LINGO2: variants seen among roughly 807,000 people sequenced by gnomAD.
LINGO2 encodes leucine rich repeat and Ig domain containing 2.
In LINGO2, 14 loss-of-function variants were observed where a neutral mutation model predicts 30.6. That is an observed-to-expected ratio of 0.46 (90% CI 0.30 to 0.72). LINGO2 has a LOEUF of 0.72. Among genes scored for constraint, LINGO2 ranks in the 30% least tolerant of loss-of-function variants. The pLI, the probability that LINGO2 is intolerant of heterozygous loss-of-function variation, is 0.07. For missense variants in LINGO2, 729 were observed against 751.7 expected (o/e 0.97, Z 0.35); for synonymous variants, 317 against 288.5 (o/e 1.10, Z -1.00).
chr9:28,122,335 T>G (rs12682879), intron 4 of LINGO2, among the ~76,000 whole-genome samples: 20,254 of 152,188 alleles, frequency 0.13, 1,411 homozygotes, highest in East Asian at 0.21. Flanking sequence ...CATAGTGAAA[T>G]AGGGCTATGT....
chr9:27,989,445 C>G (rs370508302), intron 5 of LINGO2, among the ~76,000 whole-genome samples: 24 of 150,390 alleles, frequency 1.6e-4, no homozygotes, highest in African/African-American at 5.6e-4. Context: ...TGAATGCTCT[C>G]TGTGTGTGTG....
rs765748438 is a variant in LINGO2, at chr9:28,277,837, CA to C, written c.-87+17370del. 4.9e-3 allele frequency among the ~76,000 whole-genome samples: 527 copies of C among 108,010 alleles called. 2 individuals are homozygous for C. Among genetic ancestry groups the C allele is most frequent in the African/African-American group, 0.017 (487 of 28,198 alleles). The allele number at this position is 108,010 out of a possible 152,430, so 70.9% of individuals were successfully genotyped here. ...TCTCAAAAAACAAAACAAAACAAAA[CA>C]AAAAAAAAAAACAAAAAAAAAAACA... On this transcript the variant is annotated intron_variant, in intron 4 of 5. Transcript: ENST00000379992.
At chr9:29,088,444 C>T in the LINGO2 span, among the ~76,000 whole-genome samples, 1 of 152,244 alleles carries the variant, frequency 6.6e-6, no homozygotes, top group African/African-American at 2.4e-5. Flanking sequence ...CATCCATGAG[C>T]CAGAGGACCA....
chr9:28,701,043 A>AT, the LINGO2 span, among the ~76,000 whole-genome samples: 1 of 151,642 alleles, frequency 6.6e-6, no homozygotes, highest in Non-Finnish European at 1.5e-5. Context: ...TTCTTTGTGT[A>AT]TTTTGGGTAA....
intron 4 of LINGO2, among the ~76,000 whole-genome samples, chr9:28,096,123 A>C (rs1449421640): frequency 6.6e-6 from 1 of 152,178 alleles, no homozygotes; most frequent in Non-Finnish European, 1.5e-5. Flanking sequence ...CCTGAGTGAC[A>C]GAGCAAGATC....
the LINGO2 span, among the ~76,000 whole-genome samples, chr9:28,759,310 T>C: frequency 6.6e-6 from 1 of 152,044 alleles, no homozygotes; most frequent in African/African-American, 2.4e-5. Context: ...TGTCATTGTA[T>C]AGAAAGTAAA....
At chr9:28,847,848 ATATG>A in the LINGO2 span, among the ~76,000 whole-genome samples, 1 of 119,676 alleles carries the variant, frequency 8.4e-6, no homozygotes, top group African/African-American at 3.2e-5. Context: ...ATATACACAT[ATATG>A]TATATATACT....
At chr9:28,942,106 C>G in the LINGO2 span, among the ~76,000 whole-genome samples, 8 of 151,930 alleles carry the variant, frequency 5.3e-5, no homozygotes, top group Admixed American at 3.3e-4. Context: ...AGAATGAGAA[C>G]CATGTCTTTG....
chr9:28,011,561 G>A (rs1223128567), intron 5 of LINGO2, among the ~76,000 whole-genome samples: 1 of 152,040 alleles, frequency 6.6e-6, no homozygotes, highest in African/African-American at 2.4e-5. Flanking sequence ...TCAAATACAT[G>A]GTACTTTAGC....
At chr9:28,017,579 A>T (rs1191232225) in intron 4 of LINGO2, among the ~76,000 whole-genome samples, 1 of 152,204 alleles carries the variant, frequency 6.6e-6, no homozygotes, top group African/African-American at 2.4e-5. Flanking sequence ...GCAACATCCA[A>T]GCTGAGAGCC....
At chr9:28,605,035 C>G (rs879831154) in intron 1 of LINGO2, among the ~76,000 whole-genome samples, 1 of 151,786 alleles carries the variant, frequency 6.6e-6, no homozygotes, top group Non-Finnish European at 1.5e-5. Flanking sequence ...AAATCTGAAG[C>G]CAAGTTCTTA....
intron 1 of LINGO2, among the ~76,000 whole-genome samples, chr9:28,640,997 G>T (rs1827548306): frequency 6.6e-6 from 1 of 152,036 alleles, no homozygotes; most frequent in South Asian, 2.1e-4. Flanking sequence ...CGTACAGATG[G>T]GGTTTTGGTG....
At position 28,438,413 on chromosome 9, in the gene LINGO2, T is replaced by C. The variant is rs534832174; in HGVS notation, c.-279+37527A>G. ...TCTTGAGCTGCGACATCCATCTTCT[T>C]CAGTCCTCAAACATCAGAGCTCCTG... On this transcript the variant is annotated intron_variant, in intron 2 of 5. Transcript: ENST00000379992. Among the ~76,000 whole-genome samples, 5 of 152,266 alleles carry C rather than the reference T, an allele frequency of 3.3e-5. No individual in the cohort carries two copies. In the South Asian group the frequency reaches 8.3e-4, roughly 25 times the overall value.
the LINGO2 span, among the ~76,000 whole-genome samples, chr9:28,698,711 TTG>T: frequency 6.6e-6 from 1 of 151,904 alleles, no homozygotes; most frequent in Non-Finnish European, 1.5e-5. Context: ...CACATACCCC[TTG>T]TCCCCCACAC....
the LINGO2 span, among the ~76,000 whole-genome samples, chr9:28,996,658 T>G: frequency 6.6e-6 from 1 of 152,234 alleles, no homozygotes; most frequent in East Asian, 1.9e-4. Flanking sequence ...GTTAGATGTT[T>G]GTTAAAGTAT....
intron 5 of LINGO2, among the ~76,000 whole-genome samples, chr9:27,964,717 AG>A (rs1261644248): frequency 6.6e-6 from 1 of 152,042 alleles, no homozygotes; most frequent in Non-Finnish European, 1.5e-5. Context: ...GGAATTTCAA[AG>A]CTCAGTCCTT....
intron 4 of LINGO2, among the ~76,000 whole-genome samples, chr9:28,218,091 G>T (rs1003182192): frequency 9.4e-5 from 14 of 149,436 alleles, no homozygotes; most frequent in Non-Finnish European, 1.8e-4. Context: ...CTAGGGTCTG[G>T]ATTCTAATTC....
intron 4 of LINGO2, among the ~76,000 whole-genome samples, chr9:28,166,768 T>G (rs919929285): frequency 2.0e-5 from 3 of 152,106 alleles, no homozygotes; most frequent in African/African-American, 7.2e-5. Flanking sequence ...GTTGGGTCTT[T>G]ATTTCTCGGC....
chr9:29,053,149 T>C, the LINGO2 span, among the ~76,000 whole-genome samples: 1 of 151,844 alleles, frequency 6.6e-6, no homozygotes, highest in African/African-American at 2.4e-5. Flanking sequence ...AAAGGTAAAA[T>C]AAAGTACATA....
Sources: gnomAD v4.1 joint callset for allele counts (sites outside exome capture counted in the v4.1 genomes callset) on GRCh38, gnomAD v4.1.1 for gene constraint, MANE v1.5 for transcripts, NCBI Gene and HGNC (gene_info 2026-07-23, HGNC 2026-07-21) for gene names.